CSMD3: variants seen among roughly 807,000 people sequenced by gnomAD.
CSMD3 encodes CUB and Sushi multiple domains 3.
In CSMD3, 177 loss-of-function variants were observed where a neutral mutation model predicts 435.2. The observed-to-expected ratio is 0.41, with a 90% confidence interval of 0.36 to 0.46. The LOEUF is 0.46. Among genes scored for constraint, CSMD3 ranks in the 20% least tolerant of loss-of-function variants. CSMD3 has a pLI of 0.34. For synonymous variants in CSMD3, 1,656 were observed against 1,520.5 expected (o/e 1.09, Z -2.07); for missense variants, 4,265 against 4,504.6 (o/e 0.95, Z 1.52).
chr8:112,377,942 T>G (rs1829105123), intron 38 of CSMD3, among the ~76,000 whole-genome samples: 1 of 151,978 alleles, frequency 6.6e-6, no homozygotes, highest in Admixed American at 6.6e-5. Context: ...AGGAACAAGG[T>G]AAAGATATCC....
At chr8:112,326,875 A>T (rs770740156) in intron 45 of CSMD3, among the ~76,000 whole-genome samples, 1 of 152,046 alleles carries the variant, frequency 6.6e-6, no homozygotes, top group Non-Finnish European at 1.5e-5. Context: ...TACAAAAATT[A>T]GACAGGTGTG....
intron 1 of CSMD3, among the ~76,000 whole-genome samples, chr8:113,430,242 T>C (rs1315114831): frequency 1.3e-5 from 2 of 152,204 alleles, no homozygotes; most frequent in Admixed American, 6.5e-5. Flanking sequence ...AGAGATAAAG[T>C]GCGAGTTCAT....
At chr8:113,398,120 C>T (rs1251846640) in intron 1 of CSMD3, among the ~76,000 whole-genome samples, 2 of 152,126 alleles carry the variant, frequency 1.3e-5, no homozygotes, top group Non-Finnish European at 1.5e-5. Flanking sequence ...TGGAAACTCT[C>T]CCCATCCCCA....
chr8:112,424,692 T>C lies in CSMD3; in HGVS notation c.5396-15660A>G, dbSNP rs541751440. Reference sequence around the variant, plus strand: ...TATTTTATTTTATTTTACTTACTTATTTATTTATTTATTTATTTGAGGCGG... The same window carrying C: ...TATTTTATTTTATTTTACTTACTTACTTATTTATTTATTTATTTGAGGCGG... On this transcript the variant is annotated intron_variant, in intron 32 of 70. Coordinates refer to ENST00000297405, the MANE Select transcript of CSMD3 (RefSeq NM_198123.2). Among the ~76,000 whole-genome samples, 12 of 152,028 alleles carry C rather than the reference T, an allele frequency of 7.9e-5. No individual in the cohort carries two copies. In the East Asian group the frequency reaches 2.1e-3, roughly 27 times the overall value.
intron 1 of CSMD3, among the ~76,000 whole-genome samples, chr8:113,371,239 G>A (rs2094344626): frequency 6.6e-6 from 1 of 151,862 alleles, no homozygotes; most frequent in Non-Finnish European, 1.5e-5. Flanking sequence ...GATAAAGCCA[G>A]TATTCTATTA....
chr8:112,679,133 G>A (rs533527711), intron 16 of CSMD3, among the ~76,000 whole-genome samples: 1 of 150,422 alleles, frequency 6.6e-6, no homozygotes. Flanking sequence ...ATAAGCTGAG[G>A]CATCAGTTAG....
chr8:112,530,338 T>C (rs892393806), intron 27 of CSMD3, among the ~76,000 whole-genome samples: 1 of 151,962 alleles, frequency 6.6e-6, no homozygotes, highest in African/African-American at 2.4e-5. Context: ...CCTAAATAAA[T>C]CCATACTGAG....
At chr8:112,257,896 G>A (rs1815959491) in intron 61 of CSMD3, among the ~76,000 whole-genome samples, 1 of 152,130 alleles carries the variant, frequency 6.6e-6, no homozygotes, top group African/African-American at 2.4e-5. Flanking sequence ...CAAGGCTACA[G>A]TAACCAAAAC....
chr8:113,399,047 T>A (rs2094496714), intron 1 of CSMD3, among the ~76,000 whole-genome samples: 2 of 132,892 alleles, frequency 1.5e-5, no homozygotes, highest in African/African-American at 2.9e-5. Context: ...TTAGGGAAGG[T>A]AAAATCAAAA....
chr8:113,435,618 G>T (rs572182999), intron 1 of CSMD3, among the ~76,000 whole-genome samples: 301 of 146,782 alleles, frequency 2.1e-3, no homozygotes, highest in Admixed American at 4.1e-3. Context: ...GCGATCCCCC[G>T]CCCCCCCGCG....
chr8:112,336,919 C>A, intron 43 of CSMD3, 90 bp from the exon 44 acceptor site: 3 of 1,054,276 alleles, frequency 2.8e-6, no homozygotes, highest in Non-Finnish European at 4.3e-6. Context: ...ATATCTTAAG[C>A]ATTATGAAAC....
At chr8:113,342,919 T>C (rs1326996710) in intron 1 of CSMD3, among the ~76,000 whole-genome samples, 5 of 150,414 alleles carry the variant, frequency 3.3e-5, no homozygotes, top group Non-Finnish European at 5.9e-5. Context: ...TTCAACTAAA[T>C]AGAAAAATGC....
chr8:113,295,994 G>C (rs956229773), intron 2 of CSMD3, among the ~76,000 whole-genome samples: 1 of 152,074 alleles, frequency 6.6e-6, no homozygotes, highest in Non-Finnish European at 1.5e-5. Flanking sequence ...CACGTCCTTT[G>C]TAGGGACATG....
At chr8:112,390,038 C>A (rs2129707709) in intron 36 of CSMD3, among the ~76,000 whole-genome samples, 1 of 152,240 alleles carries the variant, frequency 6.6e-6, no homozygotes, top group Middle Eastern at 3.4e-3. Context: ...TAGGAGGCTG[C>A]ACTTATTGCT....
chr8:112,378,209 C>A (rs770822339), intron 38 of CSMD3, among the ~76,000 whole-genome samples: 3 of 148,378 alleles, frequency 2.0e-5, no homozygotes, highest in African/African-American at 5.0e-5. Flanking sequence ...ACGTTGTTGG[C>A]GAGAATGAAA....
intron 13 of CSMD3, among the ~76,000 whole-genome samples, chr8:112,774,247 G>GT (rs2078192618): frequency 6.6e-6 from 1 of 151,940 alleles, no homozygotes. Context: ...GCACTGTTGA[G>GT]TTTTCAGTTA....
chr8:112,388,729 T>G (rs1830168252), intron 36 of CSMD3, among the ~76,000 whole-genome samples: 1 of 152,194 alleles, frequency 6.6e-6, no homozygotes, highest in Admixed American at 6.5e-5. Context: ...ATGTCATCAT[T>G]TATTCAGTCC....
At chr8:113,162,571 C>CAAA (rs753811903) in intron 4 of CSMD3, among the ~76,000 whole-genome samples, 28 of 59,778 alleles carry the variant, frequency 4.7e-4, no homozygotes, top group African/African-American at 1.6e-3. Context: ...GTCCCCACAT[C>CAAA]AAAAAAAAAA....
chr8:112,282,366 T>C (rs1344103400), intron 58 of CSMD3, among the ~76,000 whole-genome samples: 1 of 152,028 alleles, frequency 6.6e-6, no homozygotes, highest in Non-Finnish European at 1.5e-5. Context: ...AAAACAGACA[T>C]TTTTACTTTG....
Sources: gnomAD v4.1 joint callset for allele counts (sites outside exome capture counted in the v4.1 genomes callset) on GRCh38, gnomAD v4.1.1 for gene constraint, MANE v1.5 for transcripts, NCBI Gene and HGNC (gene_info 2026-07-23, HGNC 2026-07-21) for gene names.